The following N4BP2 variants were observed in gnomAD, a reference collection of about 807,000 sequenced individuals.
N4BP2 encodes NEDD4-binding protein 2.
Under a neutral mutation model 152.8 loss-of-function variants are expected in N4BP2, and 91 were observed. That is an observed-to-expected ratio of 0.60 (90% CI 0.50 to 0.71). N4BP2 has a LOEUF of 0.71. Ranked by LOEUF, N4BP2 falls within the 30% of genes least tolerant of loss-of-function variation. N4BP2 has a pLI of 0.00. For synonymous variants in N4BP2, 646 were observed against 705.3 expected (o/e 0.92, Z 1.33); for missense variants, 1,923 against 2,059.1 (o/e 0.93, Z 1.28).
At position 40,121,826 on chromosome 4, in the gene N4BP2, C is replaced by T. The variant is rs1369531501; in HGVS notation, c.3715C>T (p.Gln1239Ter). The T allele has an allele frequency of 6.2e-7, 1 of 1,613,914 alleles. No individual in the cohort carries two copies. Among genetic ancestry groups the T allele is most frequent in the Admixed American group, 1.7e-5 (1 of 60,002 alleles). ...KNNNDILPNS[Q>*]EELLYSSKQS... ...TAATAATGACATACTTCCTAACAGCCAGGAAGAACTTTTATATAGCAGTAA... is the reference window on the plus strand; with the variant it reads ...TAATAATGACATACTTCCTAACAGCTAGGAAGAACTTTTATATAGCAGTAA... The change falls in exon 9 of 18, where the codon CAG becomes TAG. Residue 1239 changes from glutamine (Q) to a stop codon, truncating the protein, a stop_gained. Transcript: ENST00000261435. LOFTEE classifies it high-confidence loss of function.
chr4:40,148,319 C>T (rs937277333), intron 16 of N4BP2, among the ~76,000 whole-genome samples: 21 of 152,200 alleles, frequency 1.4e-4, no homozygotes, highest in East Asian at 9.7e-4. Flanking sequence ...CGCATGGCGG[C>T]GCGCGCCTGC....
Position 40,137,015 on chromosome 4 carries a change from C to T in N4BP2, c.4718C>T (p.Ala1573Val), listed in dbSNP as rs541894478. The change falls in exon 14 of 18, where the codon GCC becomes GTC. Residue 1573 changes from alanine (A) to valine (V), a missense_variant. Coordinates refer to ENST00000261435, the MANE Select transcript of N4BP2 (RefSeq NM_018177.6). Reference sequence around the variant, plus strand: ...GGGGACCCTGTAAAAACAGTTGTAGCCCAAGAGTTTGTTCACCAAAATGAG... The same window carrying T: ...GGGGACCCTGTAAAAACAGTTGTAGTCCAAGAGTTTGTTCACCAAAATGAG... ...LEGDPVKTVV[A>V]QEFVHQNENV... 1.2e-6 allele frequency: 2 copies of T among 1,613,534 alleles called. No homozygotes were observed. The highest frequency in any genetic ancestry group is 2.7e-5 in the African/African-American group (2 of 75,000).
At chr4:40,117,336 C>G (rs757358489) in intron 7 of N4BP2, among the ~76,000 whole-genome samples, 1 of 152,118 alleles carries the variant, frequency 6.6e-6, no homozygotes, top group Non-Finnish European at 1.5e-5. Flanking sequence ...CCAGATTTGC[C>G]CAACTGGCAA....
chr4:40,113,890 C>A (rs1436933097), intron 7 of N4BP2, among the ~76,000 whole-genome samples: 2 of 152,176 alleles, frequency 1.3e-5, no homozygotes, highest in African/African-American at 2.4e-5. Context: ...CCATGCCCAG[C>A]CTGTACTTTA....
intron 1 of N4BP2, among the ~76,000 whole-genome samples, chr4:40,070,054 T>A (rs1354049603): frequency 6.6e-6 from 1 of 152,222 alleles, no homozygotes; most frequent in Non-Finnish European, 1.5e-5. Context: ...TGGTACATTT[T>A]AAAAACTTTC....
Position 40,119,910 on chromosome 4 carries a change from A to T in N4BP2, c.1821-22A>T, listed in dbSNP as rs370590934. ...CAGCATTAAGAGACTTTCTCATGAT[A>T]CTCTTTAAAATAATCTTACAGCCCA... On this transcript the variant is annotated intron_variant, in intron 8 of 17. Coordinates refer to ENST00000261435, the MANE Select transcript of N4BP2 (RefSeq NM_018177.6). 5 of 1,156,176 alleles carry T rather than the reference A, an allele frequency of 4.3e-6. No individual in the cohort carries two copies. The African/African-American group carries it at 7.7e-5, about 18-fold the overall frequency. 71.6% of individuals were successfully genotyped at this position (1,156,176 alleles called of 1,614,324 possible).
rs1461690784 is a variant in N4BP2, at chr4:40,120,846, T to C, written c.2735T>C (p.Ile912Thr). The change falls in exon 9 of 18, where the codon ATT (isoleucine) becomes ACT (threonine). Residue 912 changes from isoleucine (I) to threonine (T), a missense_variant. Ile to Thr is a moderately conservative substitution (Grantham distance 89). Coordinates refer to ENST00000261435, the MANE Select transcript of N4BP2 (RefSeq NM_018177.6). ...GGTTTAAGTGAGCCCAACCTAGAAA[T>C]TGGAACAAATGACAAAATGAATGAA... ...KTGLSEPNLE[I>T]GTNDKMNEIS... The C allele has an allele frequency of 6.2e-6, 10 of 1,613,928 alleles. No individual in the cohort carries two copies. The highest frequency in any genetic ancestry group is 4.4e-5 in the South Asian group (4 of 91,082).
intron 12 of N4BP2, 70 bp downstream of exon 12, chr4:40,126,400 T>C (rs1426205992): frequency 5.4e-6 from 4 of 736,124 alleles, no homozygotes; most frequent in Non-Finnish European, 8.3e-6. Context: ...ACTTTGTGAT[T>C]TTTTCAAAGT....
intron 2 of N4BP2, among the ~76,000 whole-genome samples, chr4:40,085,544 A>T (rs1477226495): frequency 6.6e-6 from 1 of 151,718 alleles, no homozygotes; most frequent in Admixed American, 6.6e-5. Flanking sequence ...GCAGCCTCCA[A>T]CTCCTAGAGT....
intron 4 of N4BP2, among the ~76,000 whole-genome samples, chr4:40,105,682 T>C (rs191163456): frequency 1.7e-3 from 256 of 152,042 alleles, no homozygotes; most frequent in African/African-American, 5.8e-3. Flanking sequence ...CCTGAGTAGC[T>C]ACGACTACAG....
chr4:40,157,793 T>A lies in N4BP2; in HGVS notation c.*3556T>A, dbSNP rs1487465699. On this transcript the variant is annotated 3_prime_UTR_variant, in exon 18 of 18. Coordinates refer to ENST00000261435, the MANE Select transcript of N4BP2 (RefSeq NM_018177.6). ...AAAGGTAAAATAAGTTTATGTAGAA[T>A]GTATGTTCATGGTGCTTATTTTTAA... 6.6e-6 allele frequency: 1 copy of A among 152,210 alleles called. No homozygotes were observed. The highest frequency in any genetic ancestry group is 6.5e-5 in the Admixed American group (1 of 15,278). The allele number at this position is 152,210 out of a possible 1,614,324, so 9.4% of individuals were successfully genotyped here. A position where few individuals can be genotyped will look rare whatever the true frequency, so the allele number is the denominator to read the frequency against.
chr4:40,181,364 A>C, the N4BP2 span, among the ~76,000 whole-genome samples: 1 of 152,128 alleles, frequency 6.6e-6, no homozygotes, highest in Non-Finnish European at 1.5e-5. Context: ...CCTTCTTCTC[A>C]AAACATTTTC....
chr4:40,082,840 A>G (rs1182410655), intron 2 of N4BP2: 1 of 154,690 alleles, frequency 6.5e-6, no homozygotes, highest in African/African-American at 2.4e-5. Flanking sequence ...AGCTGGGACT[A>G]CAGGCACCTG....
intron 14 of N4BP2, among the ~76,000 whole-genome samples, chr4:40,141,855 G>C (rs1157432779): frequency 1.3e-5 from 2 of 152,332 alleles, no homozygotes; most frequent in East Asian, 3.9e-4. Context: ...GGAGGCCGAG[G>C]CTGGCGGATC....
chr4:40,149,235 T>A (rs1235885646), intron 16 of N4BP2, among the ~76,000 whole-genome samples: 1 of 152,222 alleles, frequency 6.6e-6, no homozygotes, highest in Non-Finnish European at 1.5e-5. Flanking sequence ...AAACAAAATG[T>A]GGTAAATCTA....
chr4:40,066,320 C>CCTTTTT (rs796388604), intron 1 of N4BP2, among the ~76,000 whole-genome samples: 1 of 129,068 alleles, frequency 7.7e-6, no homozygotes. Flanking sequence ...GTGATTTTCC[C>CCTTTTT]TTTTTTTTTT....
chr4:40,147,845 C>T (rs1321916331), intron 16 of N4BP2, among the ~76,000 whole-genome samples: 1 of 151,638 alleles, frequency 6.6e-6, no homozygotes, highest in African/African-American at 2.4e-5. Flanking sequence ...CCTCACCTCC[C>T]AGACGGGGTC....
Position 40,102,671 on chromosome 4 carries a change from G to T in N4BP2, c.826G>T (p.Glu276Ter), listed in dbSNP as rs1357794024. The T allele has an allele frequency of 6.2e-7, 1 of 1,614,188 alleles. No homozygotes were observed. The highest frequency in any genetic ancestry group is 8.5e-7 in the Non-Finnish European group (1 of 1,180,048). The change falls in exon 4 of 18, where the codon GAG (glutamate) becomes TAG (stop). Residue 276 changes from glutamate (E) to a stop codon, truncating the protein, a stop_gained. Coordinates refer to ENST00000261435, the MANE Select transcript of N4BP2 (RefSeq NM_018177.6). LOFTEE classifies it high-confidence loss of function. ...AGAACTTTTAGAATCTGAGTGCGTT[G>T]AGGCTCAATTCTCTGAAGCTCCTGT... ...QKELLESECV[E>*]AQFSEAPVDL...
chr4:40,102,978 G>C lies in N4BP2; in HGVS notation c.1133G>C (p.Gly378Ala). The change falls in exon 4 of 18, where the codon GGC becomes GCC. Residue 378 changes from glycine (G) to alanine (A), a missense_variant. Gly to Ala is a moderately conservative substitution (Grantham distance 60). Transcript: ENST00000261435. ...TTTGACCTCTTCCAAGGAAACCATG[G>C]CTTTGTAGCTCCTGTTGTAACCACA... ...PAFDLFQGNHGFVAPVVTTAA... is the reference protein window; with the variant it reads ...PAFDLFQGNHAFVAPVVTTAA... 1.9e-6 allele frequency: 3 copies of C among 1,614,154 alleles called. No homozygotes were observed. The highest frequency in any genetic ancestry group is 2.5e-6 in the Non-Finnish European group (3 of 1,180,036).
Sources: gnomAD v4.1 joint callset for allele counts (sites outside exome capture counted in the v4.1 genomes callset) on GRCh38, gnomAD v4.1.1 for gene constraint, MANE v1.5 for transcripts, NCBI Gene and HGNC (gene_info 2026-07-23, HGNC 2026-07-21) for gene names.